The following ACLY variants were observed in gnomAD, a reference collection of about 807,000 sequenced individuals.
ACLY encodes the protein ATP citrate lyase.
Under a neutral mutation model 133.0 loss-of-function variants are expected in ACLY, and 41 were observed. The ratio of observed to expected loss-of-function variants is 0.31; its 90% CI spans 0.24 to 0.40. ACLY has a LOEUF of 0.40. Among genes scored for constraint, ACLY ranks in the 10% least tolerant of loss-of-function variants. The probability of loss-of-function intolerance (pLI) is 1.00; values close to 1 mark genes in which losing one functional copy is unlikely to be tolerated. For synonymous variants in ACLY, 495 were observed against 549.3 expected (o/e 0.90, Z 1.38); for missense variants, 1,046 against 1,453.8 (o/e 0.72, Z 4.56).
chr17:41,887,542 C>T, intron 17 of ACLY, 57 bp downstream of exon 17: 1 of 1,427,384 alleles, frequency 7.0e-7, no homozygotes, highest in East Asian at 2.3e-5. Flanking sequence ...TTCCTAAGGG[C>T]ATTGAACTTC....
rs549516701 is a variant in ACLY at position 41,907,480 on chromosome 17, C to T, written c.709G>A (p.Glu237Lys). 4.3e-6 allele frequency: 7 copies of T among 1,613,912 alleles called. No homozygotes were observed. The highest frequency in any genetic ancestry group is 2.7e-5 in the African/African-American group (2 of 74,972). Residue 237 changes from glutamate (E) to lysine (K), a missense_variant, in exon 7 of 29, where the codon GAG becomes AAG. Transcript: ENST00000352035. ...TCCCGCCCGAAGGGGGGAGGGAACT[C>T]GATGTCACCCCACTTCACTTTGCAG... ...YICKVKWGDI[E>K]FPPPFGREAY...
chr17:41,908,409 A>AC (rs2144390139), intron 6 of ACLY, among the ~76,000 whole-genome samples: 1 of 152,298 alleles, frequency 6.6e-6, no homozygotes, highest in South Asian at 2.1e-4. Flanking sequence ...GAGGCTGCCC[A>AC]CCTCCTGCTG....
At chr17:41,914,107 T>C (rs1333830621) in intron 1 of ACLY, among the ~76,000 whole-genome samples, 1 of 152,332 alleles carries the variant, frequency 6.6e-6, no homozygotes, top group South Asian at 2.1e-4. Flanking sequence ...GATCCAGAGA[T>C]AATGGGTGAG....
chr17:41,890,169 T>C (rs2049166028), intron 16 of ACLY, among the ~76,000 whole-genome samples: 3 of 152,182 alleles, frequency 2.0e-5, no homozygotes, highest in Admixed American at 1.3e-4. Flanking sequence ...GCATACAGTA[T>C]TATTCCCTTT....
chr17:41,888,774 C>T (rs1377437101), intron 16 of ACLY, among the ~76,000 whole-genome samples: 8 of 152,176 alleles, frequency 5.3e-5, no homozygotes, highest in African/African-American at 1.9e-4. Context: ...GATTGCATCA[C>T]TGCACTCCAG....
intron 8 of ACLY, 60 bp from the exon 9 acceptor site, chr17:41,905,718 G>C (rs2144376735): frequency 6.2e-7 from 1 of 1,607,910 alleles, no homozygotes; most frequent in South Asian, 1.1e-5. Flanking sequence ...GTGGCAGCCT[G>C]GTGCCTGGGA....
intron 22 of ACLY, among the ~76,000 whole-genome samples, chr17:41,874,453 T>G (rs574768816): frequency 6.6e-6 from 1 of 152,220 alleles, no homozygotes; most frequent in East Asian, 1.9e-4. Flanking sequence ...AAAATTTTTT[T>G]GTAGAGACAG....
intron 10 of ACLY, 124 bp from the exon 11 acceptor site, chr17:41,901,937 C>T (rs576250956): frequency 2.0e-5 from 15 of 741,648 alleles, no homozygotes; most frequent in East Asian, 2.8e-5. Context: ...CACAGGACTA[C>T]GCATAAGCAG....
At chr17:41,925,793 G>A (rs1323642861) in intron 1 of ACLY, among the ~76,000 whole-genome samples, 7 of 151,900 alleles carry the variant, frequency 4.6e-5, no homozygotes, top group Non-Finnish European at 8.8e-5. Context: ...CCTTTCACAG[G>A]ACCCCCTGCT....
intron 26 of ACLY, 113 bp from the exon 27 acceptor site, chr17:41,869,238 A>G (rs1555624588): frequency 1.9e-5 from 20 of 1,026,486 alleles, no homozygotes; most frequent in Non-Finnish European, 2.8e-5. Flanking sequence ...AAAACCTTCT[A>G]CCAGCCCCAC....
At chr17:41,877,438 C>T (rs1000216427) in intron 22 of ACLY, among the ~76,000 whole-genome samples, 3 of 150,360 alleles carry the variant, frequency 2.0e-5, no homozygotes, top group African/African-American at 7.3e-5. Context: ...CCACCAGGCC[C>T]AGCCCTTTTT....
intron 1 of ACLY, among the ~76,000 whole-genome samples, chr17:41,917,134 C>CAAAAAAAAAAA (rs35545409): frequency 1.9e-5 from 1 of 53,558 alleles, no homozygotes. Flanking sequence ...GACTCTGTCT[C>CAAAAAAAAAAA]AAAAAAAAAA....
chr17:41,874,922 CAAAA>C (rs76281431), intron 22 of ACLY, among the ~76,000 whole-genome samples: 3 of 128,180 alleles, frequency 2.3e-5, no homozygotes, highest in Admixed American at 8.0e-5. Flanking sequence ...TGTGTTATAG[CAAAA>C]AAAAAAAAAA....
At position 41,875,763 on chromosome 17, in the gene ACLY, G is replaced by A. The variant is rs535073765; in HGVS notation, c.2488-1798C>T. On this transcript the variant is annotated intron_variant, in intron 22 of 28. Coordinates refer to ENST00000352035, the MANE Select transcript of ACLY (RefSeq NM_001096.3). ...TCAGTGCTCAATGGTGCCCAGGCTG[G>A]AGTGCAGTGGCGTGATCTCAGCTCG... Among the ~76,000 whole-genome samples, 8 of 152,342 alleles carry A rather than the reference G, an allele frequency of 5.3e-5. No individual in the cohort carries two copies. The East Asian group carries it at 5.8e-4, about 11-fold the overall frequency.
intron 11 of ACLY, among the ~76,000 whole-genome samples, chr17:41,900,069 C>A (rs1226584843): frequency 5.2e-3 from 243 of 46,440 alleles, no homozygotes; most frequent in Admixed American, 8.6e-3. Context: ...ACCCTGTCTC[C>A]AAAAAAAAAA....
At chr17:41,906,791 T>C (rs781794736) in intron 7 of ACLY, 145 bp from the exon 8 acceptor site, 36 of 709,176 alleles carry the variant, frequency 5.1e-5, no homozygotes, top group Middle Eastern at 6.7e-4. Context: ...GGGCCCCACA[T>C]GCCTTGAAGA....
chr17:41,912,678 A>C, intron 2 of ACLY, 136 bp from the exon 3 acceptor site: 2 of 1,110,140 alleles, frequency 1.8e-6, no homozygotes, highest in Non-Finnish European at 2.6e-6. Context: ...CATCCTTCAG[A>C]GTCAACTCCT....
At chr17:41,876,908 AAAAAAAT>A (rs1327406017) in intron 22 of ACLY, among the ~76,000 whole-genome samples, 69 of 152,144 alleles carry the variant, frequency 4.5e-4, no homozygotes, top group South Asian at 3.9e-3. Flanking sequence ...TGATCAATAC[AAAAAAAT>A]AAAAAATAAA....
At chr17:41,908,813 T>A (rs1212211460) in intron 6 of ACLY, among the ~76,000 whole-genome samples, 176 bp downstream of exon 6, 29 of 152,118 alleles carry the variant, frequency 1.9e-4, no homozygotes, top group Admixed American at 1.9e-3. Flanking sequence ...ACTACAGTCT[T>A]CTGAGAGCTC....
Sources: allele counts gnomAD v4.1 joint callset (sites outside exome capture counted in the v4.1 genomes callset), GRCh38; gene constraint gnomAD v4.1.1; transcripts MANE v1.5; gene names NCBI Gene and HGNC (gene_info 2026-07-23, HGNC 2026-07-21).